EFCC1: variants seen among roughly 807,000 people sequenced by gnomAD.
EFCC1 encodes the protein EF-hand and coiled-coil domain containing 1, also known as EF-hand and coiled-coil domain-containing protein 1.
EFCC1 carries 50 observed loss-of-function variants against 52.1 expected under a neutral mutation model. The observed-to-expected ratio is 0.96, with a 90% CI of 0.76 to 1.21. EFCC1 has a LOEUF of 1.21. Among genes scored for constraint, EFCC1 ranks in the 50% most tolerant of loss-of-function variants. The pLI is 0.00. For synonymous variants in EFCC1, 399 were observed against 396.5 expected (o/e 1.01, Z -0.08); for missense variants, 837 against 867.3 (o/e 0.97, Z 0.44).
intron 5 of EFCC1, 80 bp downstream of exon 5, chr3:129,034,409 A>G (rs917599701): frequency 6.7e-7 from 1 of 1,492,514 alleles, no homozygotes; most frequent in Non-Finnish European, 9.1e-7. Context: ...ATTGCAGCCA[A>G]GTCTTGTGCC....
chr3:129,036,855 G>T, intron 5 of EFCC1, 122 bp from the exon 6 acceptor site: 1 of 1,426,620 alleles, frequency 7.0e-7, no homozygotes, highest in Non-Finnish European at 9.6e-7. Context: ...TGTGGCTTTA[G>T]GCCACACACT....
chr3:129,009,210 G>A (rs182877434), intron 2 of EFCC1, among the ~76,000 whole-genome samples: 128 of 151,982 alleles, frequency 8.4e-4, no homozygotes, highest in African/African-American at 2.3e-3. Flanking sequence ...TATCATCCAG[G>A]TCTCCTGGGT....
intron 2 of EFCC1, among the ~76,000 whole-genome samples, chr3:129,023,588 T>A (rs1028268484): frequency 2.0e-5 from 3 of 152,308 alleles, no homozygotes; most frequent in Non-Finnish European, 4.4e-5. Context: ...CGCCTCGGCC[T>A]CCCAAAGTGC....
chr3:129,032,514 A>C (rs1946291951), intron 3 of EFCC1, among the ~76,000 whole-genome samples: 1 of 145,126 alleles, frequency 6.9e-6, no homozygotes, highest in South Asian at 2.2e-4. Flanking sequence ...CCCTGTCTCT[A>C]AAAAAAAAAA....
In EFCC1 at chr3:129,001,493, C is replaced by G; in HGVS notation, c.-136C>G. 1 of 1,279,582 alleles carries G rather than the reference C, an allele frequency of 7.8e-7. No individual in the cohort carries two copies. The highest frequency in any genetic ancestry group is 1.0e-6 in the Non-Finnish European group (1 of 1,004,238). The allele number at this position is 1,279,582 out of a possible 1,614,324, so 79.3% of individuals were successfully genotyped here. ...CTGTGAGGCCAGCGCAGCTGCTGGA[C>G]ACGGTCCCCGGCGCCGCTCCAACCA... On this transcript the variant is annotated 5_prime_UTR_variant, in exon 1 of 8. Transcript: ENST00000683648.
chr3:129,026,309 C>G (rs1317872847), intron 2 of EFCC1, among the ~76,000 whole-genome samples: 2 of 152,178 alleles, frequency 1.3e-5, no homozygotes, highest in Non-Finnish European at 2.9e-5. Context: ...GGGGTAAAAG[C>G]TGTCCCTCCA....
At chr3:129,007,461 G>A (rs1945123715) in intron 2 of EFCC1, among the ~76,000 whole-genome samples, 1 of 152,166 alleles carries the variant, frequency 6.6e-6, no homozygotes, top group African/African-American at 2.4e-5. Flanking sequence ...AGAAAACAGA[G>A]CAATGACTGA....
At chr3:129,020,032 G>A (rs1343712756) in intron 2 of EFCC1, among the ~76,000 whole-genome samples, 2 of 152,088 alleles carry the variant, frequency 1.3e-5, no homozygotes, top group African/African-American at 4.8e-5. Flanking sequence ...GCCTCCCAAA[G>A]TGCTGGGATT....
chr3:129,029,688 G>T (rs369465834), intron 2 of EFCC1, among the ~76,000 whole-genome samples: 24 of 151,478 alleles, frequency 1.6e-4, no homozygotes, highest in East Asian at 1.4e-3. Flanking sequence ...AGGTTCAAGC[G>T]ATTCTCCTGC....
At chr3:129,015,526 C>G (rs1945537873) in intron 2 of EFCC1, among the ~76,000 whole-genome samples, 1 of 152,086 alleles carries the variant, frequency 6.6e-6, no homozygotes, top group South Asian at 2.1e-4. Context: ...AGAACCAAGT[C>G]AGCAGCTTGG....
chr3:129,022,365 T>C (rs1368469390), intron 2 of EFCC1, among the ~76,000 whole-genome samples: 1 of 151,948 alleles, frequency 6.6e-6, no homozygotes, highest in East Asian at 1.9e-4. Flanking sequence ...GGAACCCAGG[T>C]TTGCGGCTCC....
At chr3:129,023,980 T>C (rs1375303029) in intron 2 of EFCC1, among the ~76,000 whole-genome samples, 1 of 152,190 alleles carries the variant, frequency 6.6e-6, no homozygotes, top group Non-Finnish European at 1.5e-5. Context: ...GTAAACTGGA[T>C]GCTTACCCAG....
At chr3:129,025,958 T>C (rs1310917978) in intron 2 of EFCC1, among the ~76,000 whole-genome samples, 4 of 152,244 alleles carry the variant, frequency 2.6e-5, no homozygotes, top group Non-Finnish European at 2.9e-5. Flanking sequence ...CCCTTGTGCC[T>C]GGCATGTGGG....
intron 3 of EFCC1, among the ~76,000 whole-genome samples, chr3:129,032,459 G>A (rs1946291006): frequency 6.6e-6 from 1 of 151,952 alleles, no homozygotes; most frequent in African/African-American, 2.4e-5. Flanking sequence ...GCTGCAGTGA[G>A]CTATCATCAC....
chr3:129,036,490 G>T (rs537091983), intron 5 of EFCC1, among the ~76,000 whole-genome samples: 1 of 152,362 alleles, frequency 6.6e-6, no homozygotes, highest in South Asian at 2.1e-4. Flanking sequence ...CCAAGAGTGG[G>T]CCCAAGACTC....
chr3:129,035,091 CT>C (rs778217272), intron 5 of EFCC1, among the ~76,000 whole-genome samples: 13 of 152,226 alleles, frequency 8.5e-5, no homozygotes, highest in Non-Finnish European at 1.8e-4. Flanking sequence ...TGTCATTTCA[CT>C]AAGCCCTAGC....
intron 2 of EFCC1, among the ~76,000 whole-genome samples, chr3:129,012,652 A>C (rs1378013164): frequency 6.6e-6 from 1 of 152,216 alleles, no homozygotes; most frequent in East Asian, 1.9e-4. Flanking sequence ...GGCCCGGACC[A>C]GGGCACACGC....
chr3:129,032,795 T>A, intron 3 of EFCC1, 24 bp from the exon 4 acceptor site: 7 of 1,548,396 alleles, frequency 4.5e-6, no homozygotes, highest in Non-Finnish European at 6.1e-6. Context: ...TTGTCCTGCA[T>A]CCCCACATCC....
chr3:129,015,617 C>T lies in EFCC1; in HGVS notation c.980+11540C>T, dbSNP rs1030610234. On this transcript the variant is annotated intron_variant, in intron 2 of 7. Transcript: ENST00000683648. ...CGAGAGCTGAGTGTCCGTGTCTGCTCGCACACTCCTGTTGCACCCTTCCCA... is the reference window on the plus strand; with the variant it reads ...CGAGAGCTGAGTGTCCGTGTCTGCTTGCACACTCCTGTTGCACCCTTCCCA... 3.9e-5 allele frequency among the ~76,000 whole-genome samples: 6 copies of T among 152,114 alleles called. No individual in the cohort carries two copies. The South Asian group carries it at 6.2e-4, about 16-fold the overall frequency.
Sources: gnomAD v4.1 joint callset for allele counts (sites outside exome capture counted in the v4.1 genomes callset) on GRCh38, gnomAD v4.1.1 for gene constraint, MANE v1.5 for transcripts, NCBI Gene and HGNC (gene_info 2026-07-23, HGNC 2026-07-21) for gene names.